The following MAZ variants were observed in gnomAD, a reference collection of about 807,000 sequenced individuals.
The protein encoded by MAZ is MYC associated zinc finger protein.
Under a neutral mutation model 32.7 loss-of-function variants are expected in MAZ, and 4 were observed. That is an observed-to-expected ratio of 0.12 (90% CI 0.06 to 0.28). MAZ has a LOEUF of 0.28. Ranked by LOEUF, MAZ falls within the 10% of genes least tolerant of loss-of-function variation. The pLI is 1.00. For missense variants in MAZ, 763 were observed against 667.2 expected, an observed-to-expected ratio of 1.14 and a Z score of -1.58; for synonymous variants, 510 against 297.6, an observed-to-expected ratio of 1.71 and a Z score of -7.35.
At position 29,806,591 on chromosome 16, in the gene MAZ, T is replaced by G; in HGVS notation, c.-111T>G. On this transcript the variant is annotated 5_prime_UTR_variant, in exon 1 of 5. Transcript: ENST00000322945. ...GGCGGGGCGGCCCGCGGGCCATGCGTTCGGCGCGGCCCAGCCCGGCCGGCC... is the reference window on the plus strand; with the variant it reads ...GGCGGGGCGGCCCGCGGGCCATGCGGTCGGCGCGGCCCAGCCCGGCCGGCC... 2 of 960,166 alleles carry G rather than the reference T, an allele frequency of 2.1e-6. No individual in the cohort carries two copies. Among genetic ancestry groups the G allele is most frequent in the African/African-American group, 1.9e-5 (1 of 53,696 alleles). The allele number at this position is 960,166 out of a possible 1,614,324, so 59.5% of individuals were successfully genotyped here. A position where few individuals can be genotyped will look rare whatever the true frequency, so the allele number is the denominator to read the frequency against.
chr16:29,808,435 C>T (rs909212119), intron 3 of MAZ, 135 bp from the exon 4 acceptor site: 8 of 990,600 alleles, frequency 8.1e-6, no homozygotes, highest in East Asian at 2.6e-5. Context: ...TTCAAGGCCT[C>T]ATCATGTCAC....
At chr16:29,810,018 G>A in intron 4 of MAZ, 59 bp from the exon 5 acceptor site, 1 of 1,560,818 alleles carries the variant, frequency 6.4e-7, no homozygotes, top group South Asian at 1.2e-5. Context: ...GGTGTGGGGT[G>A]AGGGCAAGGC....
In MAZ at chr16:29,810,427, G is replaced by C. The variant is rs1459694397; in HGVS notation, c.*196G>C. 5.5e-6 allele frequency: 4 copies of C among 731,564 alleles called. No individual in the cohort carries two copies. In the East Asian group the frequency reaches 1.1e-4, roughly 20 times the overall value. 45.3% of individuals were successfully genotyped at this position (731,564 alleles called of 1,614,324 possible). A position where few individuals can be genotyped will look rare whatever the true frequency, so the allele number is the denominator to read the frequency against. ...TGTTTCTCCTGCTCCTCTTCTGTCA[G>C]ACCTGACCCCACACAAACCTGTCCC... On this transcript the variant is annotated 3_prime_UTR_variant, in exon 5 of 5. Transcript: ENST00000322945.
chr16:29,808,051 A>AGGCGGCGGC (rs761537307), intron 2 of MAZ, 179 bp from the exon 3 acceptor site: 12 of 1,014,492 alleles, frequency 1.2e-5, no homozygotes, highest in Admixed American at 2.4e-5. Flanking sequence ...GCGTGGGAGG[A>AGGCGGCGGC]GGCGGCGGCG....
At position 29,807,091 on chromosome 16, in the gene MAZ, T is replaced by TGCC. The variant is rs1294481128; in HGVS notation, c.312_314dup (p.Ala108dup). 1.3e-5 allele frequency: 13 copies of TGCC among 989,070 alleles called. No homozygotes were observed. The highest frequency in any genetic ancestry group is 9.6e-5 in the East Asian group (1 of 10,434). 61.3% of individuals were successfully genotyped at this position (989,070 alleles called of 1,614,324 possible). On this transcript the variant is annotated inframe_insertion, in exon 2 of 5. Transcript: ENST00000322945. ...AGTCCGCCGCGGCTGCTGCGGCCGC[T>TGCC]GCCGCCGCTGCTGCCGCCGTCGCTG...
Position 29,807,110 on chromosome 16 carries a change from G to A in MAZ, c.325G>A (p.Val109Ile), listed in dbSNP as rs1481194083. The A allele has an allele frequency of 5.9e-6, 6 of 1,009,450 alleles. No homozygotes were observed. Among genetic ancestry groups the A allele is most frequent in the Admixed American group, 5.5e-5 (1 of 18,196 alleles). The allele number at this position is 1,009,450 out of a possible 1,614,324, so 62.5% of individuals were successfully genotyped here. A position where few individuals can be genotyped will look rare whatever the true frequency, so the allele number is the denominator to read the frequency against. ...GGCCGCTGCCGCCGCTGCTGCCGCCGTCGCTGCCGCGCCCCCGGCCCCTGC... is the reference window on the plus strand; with the variant it reads ...GGCCGCTGCCGCCGCTGCTGCCGCCATCGCTGCCGCGCCCCCGGCCCCTGC... Reference protein sequence around the residue: ...AAAAAAAAAAVAAAPPAPAAA... With the variant: ...AAAAAAAAAAIAAAPPAPAAA... The change falls in exon 2 of 5, where the codon GTC (valine) becomes ATC (isoleucine). Residue 109 changes from valine to isoleucine, a missense_variant. Transcript: ENST00000322945.
chr16:29,808,187 G>T, intron 2 of MAZ, 43 bp from the exon 3 acceptor site: 1 of 1,561,716 alleles, frequency 6.4e-7, no homozygotes, highest in Non-Finnish European at 8.8e-7. Context: ...TGGATTTGGG[G>T]CGCACCACCT....
chr16:29,806,495 C>T (rs1203784358), upstream of MAZ: 1 of 345,116 alleles, frequency 2.9e-6, no homozygotes, highest in Non-Finnish European at 3.9e-6. Context: ...TCGCCGCCGC[C>T]GTCGCCGCGG....
rs1446810251 is a variant in MAZ at position 29,806,734 on chromosome 16, C to T, written c.33C>T (p.Ala11=). ...CGGTGTTTCCTTGCACGCTGCTGGC[C>T]CCCCCCTTCCCCGTGCTGGGCCTGG... MFPVFPCTLL[A]PPFPVLGLDS... The change falls in exon 1 of 5, where the codon GCC becomes GCT. Residue 11 remains alanine (A), a synonymous_variant. Coordinates refer to ENST00000322945, the MANE Select transcript of MAZ (RefSeq NM_002383.4). The T allele has an allele frequency of 1.1e-5, 15 of 1,388,412 alleles. No homozygotes were observed. Among genetic ancestry groups the T allele is most frequent in the African/African-American group, 4.6e-5 (3 of 64,740 alleles). 86.0% of individuals were successfully genotyped at this position (1,388,412 alleles called of 1,614,324 possible). A position where few individuals can be genotyped will look rare whatever the true frequency, so the allele number is the denominator to read the frequency against.
Position 29,808,550 on chromosome 16 carries a change from C to T in MAZ, c.1108-20C>T, listed in dbSNP as rs751318318. On this transcript the variant is annotated intron_variant, in intron 3 of 4. Coordinates refer to ENST00000322945, the MANE Select transcript of MAZ (RefSeq NM_002383.4). ...TTTAACTCTCCTGTGACACCCCCCA[C>T]GCCCCTCCCCCCTCCTCAGAAATGT... 25 of 1,587,984 alleles carry T rather than the reference C, an allele frequency of 1.6e-5. No homozygotes were observed. Among genetic ancestry groups the T allele is most frequent in the South Asian group, 9.1e-5 (8 of 88,142 alleles).
At chr16:29,810,000 G>A in intron 4 of MAZ, 77 bp from the exon 5 acceptor site, 9 of 1,544,736 alleles carry the variant, frequency 5.8e-6, no homozygotes, top group South Asian at 1.2e-5. Context: ...GGGGAAGCAG[G>A]CTGGGAAGGT....
Position 29,810,179 on chromosome 16 carries a change from G to T in MAZ, c.1382G>T (p.Gly461Val). 6.2e-7 allele frequency: 1 copy of T among 1,608,272 alleles called. No homozygotes were observed. The highest frequency in any genetic ancestry group is 1.1e-5 in the South Asian group (1 of 90,704). Reference protein sequence around the residue: ...APPTAVGSLSGAEGVPVSSQP... With the variant: ...APPTAVGSLSVAEGVPVSSQP... ...CCCACAGCTGTGGGCTCCCTCTCGG[G>T]GGCGGAGGGGGTGCCTGTGAGCTCT... Residue 461 changes from glycine (G) to valine (V), a missense_variant, in exon 5 of 5, where the codon GGG becomes GTG. Gly to Val is a moderately radical substitution (Grantham distance 109, BLOSUM62 -3). Coordinates refer to ENST00000322945, the MANE Select transcript of MAZ (RefSeq NM_002383.4).
At chr16:29,809,510 C>A in intron 4 of MAZ, 3 of 1,454,218 alleles carry the variant, frequency 2.1e-6, no homozygotes, top group East Asian at 2.3e-5. Context: ...CTGGCTGACC[C>A]CCGCCCCATC....
Position 29,807,404 on chromosome 16 carries a change from A to C in MAZ, c.619A>C (p.Arg207=). The change falls in exon 2 of 5, where the codon AGG becomes CGG. Residue 207 remains arginine, a synonymous_variant. Transcript: ENST00000322945. ...KEFKNGYNLR[R]HEAIHTGAKA... ...GTTCAAGAACGGCTACAATCTCCGGAGGCACGAAGCCATCCACACGGGAGC... is the reference window on the plus strand; with the variant it reads ...GTTCAAGAACGGCTACAATCTCCGGCGGCACGAAGCCATCCACACGGGAGC... 6.2e-7 allele frequency: 1 copy of C among 1,612,320 alleles called. No homozygotes were observed.
In MAZ at chr16:29,807,820, C is replaced by T. The variant is rs200354548; in HGVS notation, c.1035C>T (p.Ser345=). 32 of 1,606,638 alleles carry T rather than the reference C, an allele frequency of 2.0e-5. No homozygotes were observed. The East Asian group carries it at 5.6e-4, about 28-fold the overall frequency. The part of the protein sequence containing the change: ...KPYNCSHCGK[S]FSRPDHLNSH... ...ACAACTGCTCCCACTGTGGCAAGAG[C>T]TTCTCCCGGTGTGCACGGGGCCTCG... Residue 345 remains serine (S), a synonymous_variant, in exon 2 of 5, where the codon AGC becomes AGT. Coordinates refer to ENST00000322945, the MANE Select transcript of MAZ (RefSeq NM_002383.4).
At position 29,807,126 on chromosome 16, in the gene MAZ, C is replaced by T. The variant is rs1363052660; in HGVS notation, c.341C>T (p.Pro114Leu). 2.9e-6 allele frequency: 3 copies of T among 1,021,598 alleles called. No homozygotes were observed. The highest frequency in any genetic ancestry group is 2.4e-6 in the Non-Finnish European group (2 of 833,940). The allele number at this position is 1,021,598 out of a possible 1,614,324, so 63.3% of individuals were successfully genotyped here. A position where few individuals can be genotyped will look rare whatever the true frequency, so the allele number is the denominator to read the frequency against. ...AAAAAVAAAP[P>L]APAAASTVDT... ...GCTGCCGCCGTCGCTGCCGCGCCCC[C>T]GGCCCCTGCCGCCGCCTCTACGGTG... The change falls in exon 2 of 5, where the codon CCG becomes CTG. Residue 114 changes from proline to leucine, a missense_variant. Transcript: ENST00000322945.
intron 2 of MAZ, 104 bp downstream of exon 2, chr16:29,807,932 G>C (rs758791757): frequency 7.8e-5 from 118 of 1,511,726 alleles, no homozygotes; most frequent in Non-Finnish European, 9.9e-5. Flanking sequence ...GCTGAGGCTG[G>C]GGAAGGGGAG....
In MAZ at chr16:29,806,991, C is replaced by T. The variant is rs1899519504; in HGVS notation, c.206C>T (p.Pro69Leu). 7 of 1,017,260 alleles carry T rather than the reference C, an allele frequency of 6.9e-6. No homozygotes were observed. Among genetic ancestry groups the T allele is most frequent in the Non-Finnish European group, 8.2e-6 (7 of 854,668 alleles). The allele number at this position is 1,017,260 out of a possible 1,614,324, so 63.0% of individuals were successfully genotyped here. ...TTGTCTCCGCAGGCCGCGCCGGCGCCCCCGCCCACGCCCCAGGCCCCGGCG... is the reference window on the plus strand; with the variant it reads ...TTGTCTCCGCAGGCCGCGCCGGCGCTCCCGCCCACGCCCCAGGCCCCGGCG... ...AQSPFQAAPA[P>L]PPTPQAPAAE... The change falls in exon 2 of 5, where the codon CCC (proline) becomes CTC (leucine). Residue 69 changes from proline (P) to leucine (L), a missense_variant. Physicochemically the swap from Pro to Leu is moderately conservative, Grantham distance 98. Coordinates refer to ENST00000322945, the MANE Select transcript of MAZ (RefSeq NM_002383.4).
rs867016276 is a variant in MAZ at position 29,806,676 on chromosome 16, C to T, written c.-26C>T. 4 of 1,099,730 alleles carry T rather than the reference C, an allele frequency of 3.6e-6. No individual in the cohort carries two copies. The highest frequency in any genetic ancestry group is 1.0e-4 in the Admixed American group (2 of 19,782). The allele number at this position is 1,099,730 out of a possible 1,614,324, so 68.1% of individuals were successfully genotyped here. A position where few individuals can be genotyped will look rare whatever the true frequency, so the allele number is the denominator to read the frequency against. ...CCGCGCCCCCGGCCCCCGCTGAGCC[C>T]CGGGGGCCCCGCTGCGGCCGAGGCC... On this transcript the variant is annotated 5_prime_UTR_variant, in exon 1 of 5. Transcript: ENST00000322945.
Sources: gnomAD v4.1 joint callset for allele counts on GRCh38, gnomAD v4.1.1 for gene constraint, MANE v1.5 for transcripts, NCBI Gene and HGNC (gene_info 2026-07-23, HGNC 2026-07-21) for gene names.